MROH1: variants seen among roughly 807,000 people sequenced by gnomAD.
MROH1 encodes maestro heat like repeat family member 1, also known as maestro heat-like repeat-containing protein family member 1.
In MROH1, 117 loss-of-function variants were observed where a neutral mutation model predicts 116.5. The ratio of observed to expected loss-of-function variants is 1.00; its 90% CI spans 0.86 to 1.17. The LOEUF (loss-of-function observed/expected upper bound fraction) is 1.17. Ranked by LOEUF, MROH1 falls within the 50% of genes most tolerant of loss-of-function variation. MROH1 has a pLI of 0.00. For missense variants in MROH1, 1,873 were observed against 1,338.5 expected, an observed-to-expected ratio of 1.40 and a Z score of -6.23; for synonymous variants, 921 against 583.9, an observed-to-expected ratio of 1.58 and a Z score of -8.32.
rs1468270892 is a variant in MROH1 at position 144,260,115 on chromosome 8, G to A, written c.4191+58G>A. 3 of 748,612 alleles carry A rather than the reference G, an allele frequency of 4.0e-6. No homozygotes were observed. The Admixed American group carries it at 5.3e-5, about 13-fold the overall frequency. 46.4% of individuals were successfully genotyped at this position (748,612 alleles called of 1,614,324 possible). A position where few individuals can be genotyped will look rare whatever the true frequency, so the allele number is the denominator to read the frequency against. On this transcript the variant is annotated intron_variant, in intron 38 of 43. Coordinates refer to ENST00000326134, the MANE Select transcript of MROH1 (RefSeq NM_032450.3). Reference sequence around the variant, plus strand: ...GCAGCATGGGTGGGGGGCTGTGCATGGAGGCCACCCTGTCTTGTGGGGTAG... The same window carrying A: ...GCAGCATGGGTGGGGGGCTGTGCATAGAGGCCACCCTGTCTTGTGGGGTAG...
At chr8:144,181,694 G>T (rs1238869601) in intron 7 of MROH1, among the ~76,000 whole-genome samples, 1 of 152,214 alleles carries the variant, frequency 6.6e-6, no homozygotes, top group Non-Finnish European at 1.5e-5. Flanking sequence ...TGAGCCAGGT[G>T]TGAAGGAGCA....
intron 1 of MROH1, among the ~76,000 whole-genome samples, chr8:144,160,255 G>C (rs1819186788): frequency 6.6e-6 from 1 of 152,124 alleles, no homozygotes; most frequent in Admixed American, 6.6e-5. Context: ...ATTTAGTCTA[G>C]GACTGATTTG....
intron 33 of MROH1, chr8:144,254,462 T>C: frequency 4.3e-6 from 1 of 230,142 alleles, no homozygotes; most frequent in Non-Finnish European, 8.6e-6. Context: ...CTGCGCTCTT[T>C]GACCCTGTGA....
chr8:144,177,709 G>A (rs117015165), intron 4 of MROH1, among the ~76,000 whole-genome samples: 4,267 of 152,212 alleles, frequency 0.028, 76 homozygotes, highest in Admixed American at 0.042. Context: ...TCCTGGGGGC[G>A]ACTTCCCCCT....
chr8:144,230,810 T>TC (rs1838720161), intron 14 of MROH1, among the ~76,000 whole-genome samples: 1 of 143,954 alleles, frequency 6.9e-6, no homozygotes, highest in Non-Finnish European at 1.5e-5. Context: ...TTCTTTTTTT[T>TC]TTTTTTTTTT....
chr8:144,243,474 G>A lies in MROH1; in HGVS notation c.2353-20G>A. The A allele has an allele frequency of 3.9e-6, 3 of 778,538 alleles. No individual in the cohort carries two copies. In the South Asian group the frequency reaches 4.0e-5, roughly 10 times the overall value. 48.2% of individuals were successfully genotyped at this position (778,538 alleles called of 1,614,324 possible). ...TGGAGGGCGGGCGTGGGCGTCTCCT[G>A]TAGCCCTGCGTCCCTGCAGGACCCA... On this transcript the variant is annotated intron_variant, in intron 24 of 43. Transcript: ENST00000326134.
At chr8:144,240,951 T>C (rs1255638710) in intron 20 of MROH1, 41 bp from the exon 21 acceptor site, 2 of 720,492 alleles carry the variant, frequency 2.8e-6, no homozygotes, top group Non-Finnish European at 5.2e-6. Context: ...CTCCCTGTAC[T>C]CAGGAGTCAG....
At chr8:144,195,759 C>T (rs1332993033) in intron 10 of MROH1, among the ~76,000 whole-genome samples, 1 of 151,926 alleles carries the variant, frequency 6.6e-6, no homozygotes, top group Non-Finnish European at 1.5e-5. Context: ...GGCTGGAGTG[C>T]AGTGGCAGTA....
At chr8:144,232,587 G>A (rs577380645) in intron 14 of MROH1, among the ~76,000 whole-genome samples, 22 of 151,772 alleles carry the variant, frequency 1.4e-4, no homozygotes, top group African/African-American at 4.8e-4. Context: ...TCCGCCTCCC[G>A]GGTTCATGCC....
chr8:144,169,607 A>G (rs1256600170), intron 4 of MROH1, among the ~76,000 whole-genome samples: 1 of 150,102 alleles, frequency 6.7e-6, no homozygotes, highest in Non-Finnish European at 1.5e-5. Context: ...GTGCACCACC[A>G]CACACGGCTA....
chr8:144,255,073 C>T (rs992655435), intron 34 of MROH1, 95 bp downstream of exon 34: 3 of 646,732 alleles, frequency 4.6e-6, no homozygotes, highest in Admixed American at 2.3e-5. Context: ...GGCCCGGACG[C>T]CACCCCACAG....
chr8:144,174,253 G>A (rs1221606734), intron 4 of MROH1, among the ~76,000 whole-genome samples: 1 of 152,070 alleles, frequency 6.6e-6, no homozygotes, highest in African/African-American at 2.4e-5. Flanking sequence ...CTCTCAATCT[G>A]GTCCCAGGAT....
chr8:144,206,808 G>A (rs1358350908), intron 12 of MROH1, among the ~76,000 whole-genome samples: 1 of 151,326 alleles, frequency 6.6e-6, no homozygotes, highest in Non-Finnish European at 1.5e-5. Context: ...CGAGGCAGGT[G>A]GATCACCTGA....
intron 7 of MROH1, among the ~76,000 whole-genome samples, chr8:144,185,151 G>A (rs960561117): frequency 2.0e-5 from 3 of 152,174 alleles, no homozygotes; most frequent in African/African-American, 7.2e-5. Flanking sequence ...GCAGTGTGTC[G>A]CTCCTGCAGG....
Position 144,182,154 on chromosome 8 carries a change from GAGGCCTAGTGGTGGGGGCGGTGGC to G in MROH1, c.562+1638_562+1661del, listed in dbSNP as rs1825873646. Among the ~76,000 whole-genome samples the G allele has an allele frequency of 6.6e-6, 1 of 151,060 alleles. No individual in the cohort carries two copies. The highest frequency in any genetic ancestry group is 6.6e-5 in the Admixed American group (1 of 15,244). The stretch of plus-strand genomic sequence containing the variant: ...CCAGAGGAAGCCGTATCAACCGGGT[GAGGCCTAGTGGTGGGGGCGGTGGC>G]AGGCCTGCGTCCACTGCGGGAGGGT... On this transcript the variant is annotated intron_variant, in intron 7 of 43. Coordinates refer to ENST00000326134, the MANE Select transcript of MROH1 (RefSeq NM_032450.3). The surrounding 1 kb of genome is among the most constrained non-coding windows in gnomAD (Gnocchi z 4.1).
At chr8:144,218,083 A>G (rs1835674182) in intron 12 of MROH1, among the ~76,000 whole-genome samples, 1 of 152,098 alleles carries the variant, frequency 6.6e-6, no homozygotes, top group Non-Finnish European at 1.5e-5. Flanking sequence ...CGTCTACTCA[A>G]TTCCATTGCT....
chr8:144,160,229 G>A (rs573217027), intron 1 of MROH1, among the ~76,000 whole-genome samples: 1 of 152,282 alleles, frequency 6.6e-6, no homozygotes, highest in South Asian at 2.1e-4. Flanking sequence ...GCTTTGTTAG[G>A]TGAGACCAGA....
chr8:144,216,184 AAAAC>A (rs763452723), intron 12 of MROH1, among the ~76,000 whole-genome samples: 3 of 151,526 alleles, frequency 2.0e-5, no homozygotes, highest in African/African-American at 4.9e-5. Flanking sequence ...TGTCTCAAAA[AAAAC>A]AAAGAGCCTG....
intron 3 of MROH1, 61 bp from the exon 4 acceptor site, chr8:144,168,234 C>A: frequency 6.7e-7 from 1 of 1,487,816 alleles, no homozygotes; most frequent in Non-Finnish European, 8.9e-7. Context: ...GAGTGGCAGC[C>A]GAGGTGTGAT....
Sources: gnomAD v4.1 joint callset for allele counts (sites outside exome capture counted in the v4.1 genomes callset) on GRCh38, gnomAD v4.1.1 for gene constraint, Gnocchi (gnomAD v3.1) non-coding constraint, MANE v1.5 for transcripts, NCBI Gene and HGNC (gene_info 2026-07-23, HGNC 2026-07-21) for gene names.